FUT9: variants seen among roughly 807,000 people sequenced by gnomAD.
FUT9 encodes the protein fucosyltransferase 9.
FUT9 carries 15 observed loss-of-function variants against 29.7 expected under a neutral mutation model. The observed-to-expected ratio is 0.51, with a 90% confidence interval of 0.34 to 0.78. The LOEUF is 0.78. Among genes scored for constraint, FUT9 ranks in the 30% least tolerant of loss-of-function variants. FUT9 has a pLI of 0.01. For missense variants in FUT9, 319 were observed against 425.4 expected (o/e 0.75, Z 2.20); for synonymous variants, 169 against 153.7 (o/e 1.10, Z -0.74).
chr6:96,174,636 C>T (rs953928924), intron 2 of FUT9, among the ~76,000 whole-genome samples: 20 of 152,042 alleles, frequency 1.3e-4, no homozygotes, highest in African/African-American at 4.8e-4. Context: ...TAACAAAATA[C>T]ACACATTATG....
intron 2 of FUT9, among the ~76,000 whole-genome samples, chr6:96,126,328 G>A (rs932976682): frequency 1.3e-4 from 20 of 152,144 alleles, no homozygotes; most frequent in Non-Finnish European, 1.5e-4. Context: ...CAGGGAGCAA[G>A]CAAGAAGAAA....
chr6:96,169,369 C>G (rs1265849985), intron 2 of FUT9, among the ~76,000 whole-genome samples: 1 of 152,124 alleles, frequency 6.6e-6, no homozygotes, highest in Non-Finnish European at 1.5e-5. Context: ...TCAGTGAAAT[C>G]TTGCAAATAA....
chr6:96,123,157 T>C (rs1490601709), intron 2 of FUT9, among the ~76,000 whole-genome samples: 2 of 151,522 alleles, frequency 1.3e-5, no homozygotes, highest in Non-Finnish European at 2.9e-5. Context: ...ACAAAGATTA[T>C]GCATAGTGTC....
In FUT9 at chr6:96,174,242, C is replaced by T. The variant is rs1051902394; in HGVS notation, c.-8-28906C>T. 8.5e-5 allele frequency among the ~76,000 whole-genome samples: 13 copies of T among 152,130 alleles called. No homozygotes were observed. In the East Asian group the frequency reaches 1.9e-3, roughly 23 times the overall value. Reference sequence around the variant, plus strand: ...AAAATTAATGTCCTAACAATTCCAGCTTTGTATTTAAGGGCAGCACATTAT... The same window carrying T: ...AAAATTAATGTCCTAACAATTCCAGTTTTGTATTTAAGGGCAGCACATTAT... On this transcript the variant is annotated intron_variant, in intron 2 of 2. Transcript: ENST00000302103.
At chr6:96,094,884 G>C in intron 1 of FUT9, among the ~76,000 whole-genome samples, 1 of 152,026 alleles carries the variant, frequency 6.6e-6, no homozygotes. Context: ...GGAACAGGTG[G>C]TGTTTGGTTA....
At chr6:96,053,865 T>C (rs1770716787) in intron 1 of FUT9, among the ~76,000 whole-genome samples, 1 of 152,182 alleles carries the variant, frequency 6.6e-6, no homozygotes, top group Non-Finnish European at 1.5e-5. Context: ...AGATAAATTG[T>C]ATATAATATT....
At chr6:96,081,923 G>A (rs1334426122) in intron 1 of FUT9, among the ~76,000 whole-genome samples, 1 of 151,738 alleles carries the variant, frequency 6.6e-6, no homozygotes, top group Non-Finnish European at 1.5e-5. Context: ...GATTGCTAAT[G>A]CAGTTGAGCA....
At chr6:96,202,130 A>C (rs552588082) in intron 2 of FUT9, among the ~76,000 whole-genome samples, 3 of 152,034 alleles carry the variant, frequency 2.0e-5, no homozygotes, top group Non-Finnish European at 2.9e-5. Context: ...TTTATCAATA[A>C]ACAGTTTTTG....
intron 1 of FUT9, among the ~76,000 whole-genome samples, chr6:96,089,094 C>T (rs6571018): frequency 0.79 from 120,477 of 152,084 alleles, 48,539 homozygotes; most frequent in East Asian, 1. Flanking sequence ...TCTCTTTGAT[C>T]GGAATACAAA....
chr6:96,020,890 C>T (rs2127921008), intron 1 of FUT9: 1 of 152,214 alleles, frequency 6.6e-6, no homozygotes, highest in East Asian at 1.9e-4. Context: ...GCTCCCCTGA[C>T]ATAGTTTCTT....
intron 1 of FUT9, among the ~76,000 whole-genome samples, chr6:96,055,443 G>A (rs1409745631): frequency 2.7e-5 from 4 of 149,980 alleles, no homozygotes; most frequent in Non-Finnish European, 5.9e-5. Context: ...TCAAATTTTA[G>A]TGTATCTTTG....
At chr6:96,023,065 G>A (rs889869985) in intron 1 of FUT9, among the ~76,000 whole-genome samples, 4 of 151,924 alleles carry the variant, frequency 2.6e-5, no homozygotes, top group African/African-American at 9.7e-5. Flanking sequence ...CAGTGTGTTG[G>A]TTTCTGCTTC....
intron 2 of FUT9, among the ~76,000 whole-genome samples, chr6:96,200,698 T>A (rs888730986): frequency 3.3e-5 from 5 of 152,114 alleles, no homozygotes; most frequent in Admixed American, 2.6e-4. Context: ...ACATTAAACA[T>A]TGGTCTCACA....
At chr6:96,098,561 T>A (rs1276146200) in intron 1 of FUT9, among the ~76,000 whole-genome samples, 1 of 152,190 alleles carries the variant, frequency 6.6e-6, no homozygotes, top group Non-Finnish European at 1.5e-5. Flanking sequence ...TTCTAGCCTG[T>A]GAAGCTCTTT....
intron 1 of FUT9, among the ~76,000 whole-genome samples, chr6:96,064,517 A>C (rs2127945423): frequency 6.6e-6 from 1 of 152,276 alleles, no homozygotes; most frequent in Admixed American, 6.5e-5. Context: ...GAGTCTTCTC[A>C]TTCCCATGGG....
At chr6:96,077,194 A>G (rs1388981071) in intron 1 of FUT9, among the ~76,000 whole-genome samples, 6 of 152,100 alleles carry the variant, frequency 3.9e-5, no homozygotes, top group African/African-American at 1.4e-4. Flanking sequence ...GTGTTATGGT[A>G]ATGAGGTTAG....
intron 1 of FUT9, among the ~76,000 whole-genome samples, chr6:96,046,241 A>ACACACC (rs1474735628): frequency 2.0e-5 from 3 of 150,824 alleles, no homozygotes; most frequent in African/African-American, 7.3e-5. Flanking sequence ...ACACACACAC[A>ACACACC]CACCCCTGAA....
At chr6:96,085,335 G>A (rs1174505950) in intron 1 of FUT9, among the ~76,000 whole-genome samples, 1 of 152,076 alleles carries the variant, frequency 6.6e-6, no homozygotes, top group African/African-American at 2.4e-5. Flanking sequence ...AATCTATAAG[G>A]GCCCTCTTCC....
chr6:96,113,696 C>CA (rs879276064), intron 1 of FUT9, among the ~76,000 whole-genome samples: 63 of 150,656 alleles, frequency 4.2e-4, no homozygotes, highest in East Asian at 1.0e-3. Context: ...ACTAAAAATA[C>CA]AAAAAAAATT....
Sources: allele counts gnomAD v4.1 joint callset (sites outside exome capture counted in the v4.1 genomes callset), GRCh38; gene constraint gnomAD v4.1.1; transcripts MANE v1.5; gene names NCBI Gene and HGNC (gene_info 2026-07-23, HGNC 2026-07-21).